The following CPE variants were observed in gnomAD, a reference collection of about 807,000 sequenced individuals.
CPE encodes the protein carboxypeptidase E.
A neutral mutation model predicts 53.5 loss-of-function variants in CPE; 17 were observed. That is an observed-to-expected ratio of 0.32 (90% CI 0.22 to 0.48). The LOEUF is 0.48. Ranked by LOEUF, CPE falls within the 20% of genes least tolerant of loss-of-function variation. The probability of loss-of-function intolerance (pLI) is 0.99; values close to 1 mark genes in which losing one functional copy is unlikely to be tolerated. For synonymous variants in CPE, 226 were observed against 228.8 expected, an observed-to-expected ratio of 0.99 and a Z score of 0.11; for missense variants, 524 against 614.7, an observed-to-expected ratio of 0.85 and a Z score of 1.56.
chr4:165,482,786 G>A (rs955861851), intron 4 of CPE, among the ~76,000 whole-genome samples: 3 of 152,200 alleles, frequency 2.0e-5, no homozygotes, highest in African/African-American at 7.2e-5. Context: ...TGTTGACACA[G>A]TTTTGCATTT....
chr4:165,433,801 C>T (rs1731452626), intron 1 of CPE, among the ~76,000 whole-genome samples: 1 of 152,116 alleles, frequency 6.6e-6, no homozygotes, highest in Admixed American at 6.6e-5. Flanking sequence ...CCTGTCAGGC[C>T]CCTGCCTAAT....
At chr4:165,426,698 G>A (rs545713748) in intron 1 of CPE, among the ~76,000 whole-genome samples, 1 of 152,240 alleles carries the variant, frequency 6.6e-6, no homozygotes, top group African/African-American at 2.4e-5. Flanking sequence ...CACACTCACC[G>A]GTTTGAGAAA....
intron 1 of CPE, chr4:165,405,118 T>C (rs1016891051): frequency 2.7e-6 from 2 of 751,150 alleles, no homozygotes; most frequent in Non-Finnish European, 4.9e-6. Context: ...ACGTTAGAGC[T>C]TTCTTCTTTA....
chr4:165,467,881 G>T, intron 3 of CPE, 26 bp downstream of exon 3: 8 of 1,610,546 alleles, frequency 5.0e-6, no homozygotes, highest in Non-Finnish European at 5.9e-6. Context: ...TAGTCTTCTT[G>T]GGTTCGTCTC....
intron 1 of CPE, among the ~76,000 whole-genome samples, chr4:165,397,639 AT>A (rs1332277555): frequency 6.6e-6 from 1 of 152,174 alleles, no homozygotes; most frequent in Non-Finnish European, 1.5e-5. Flanking sequence ...TATACAACGT[AT>A]TTCCAAATAT....
chr4:165,490,344 G>T (rs1171153034), intron 6 of CPE, among the ~76,000 whole-genome samples: 1 of 152,104 alleles, frequency 6.6e-6, no homozygotes, highest in Admixed American at 6.5e-5. Flanking sequence ...CTTAAAGAAT[G>T]GTTCATGGGC....
intron 6 of CPE, among the ~76,000 whole-genome samples, chr4:165,488,468 C>A (rs946770374): frequency 6.6e-6 from 1 of 152,194 alleles, no homozygotes; most frequent in Non-Finnish European, 1.5e-5. Context: ...CCACCCCCTG[C>A]ATAGTATGTA....
chr4:165,434,223 G>T (rs538342900), intron 1 of CPE, among the ~76,000 whole-genome samples: 24 of 152,186 alleles, frequency 1.6e-4, no homozygotes, highest in African/African-American at 5.8e-4. Flanking sequence ...CAGGGAACAT[G>T]TGGGAGTTTT....
At chr4:165,451,646 C>T (rs1483886631) in intron 1 of CPE, among the ~76,000 whole-genome samples, 1 of 151,976 alleles carries the variant, frequency 6.6e-6, no homozygotes, top group Non-Finnish European at 1.5e-5. Flanking sequence ...CACATGCCAC[C>T]ACGGCTGGCT....
intron 6 of CPE, among the ~76,000 whole-genome samples, chr4:165,489,224 G>T (rs1168791787): frequency 1.3e-5 from 2 of 152,086 alleles, no homozygotes; most frequent in Non-Finnish European, 2.9e-5. Context: ...ACTGATTGGG[G>T]TGTTCTCCAC....
intron 1 of CPE, among the ~76,000 whole-genome samples, chr4:165,432,436 C>T (rs942159714): frequency 3.3e-5 from 5 of 152,116 alleles, no homozygotes; most frequent in Admixed American, 2.0e-4. Flanking sequence ...GCTGGGACTA[C>T]AGGTGTGTGC....
intron 1 of CPE, among the ~76,000 whole-genome samples, chr4:165,387,593 G>A (rs1730614192): frequency 6.6e-6 from 1 of 151,974 alleles, no homozygotes; most frequent in South Asian, 2.1e-4. Context: ...GGTGGATCAC[G>A]AGGTCGGGAG....
intron 1 of CPE, among the ~76,000 whole-genome samples, chr4:165,391,306 G>A (rs1056960879): frequency 6.6e-6 from 1 of 152,004 alleles, no homozygotes; most frequent in Non-Finnish European, 1.5e-5. Context: ...AAATTCATTG[G>A]ACAAAGCTAA....
chr4:165,490,995 C>T (rs1224208602), intron 6 of CPE, among the ~76,000 whole-genome samples: 1 of 152,162 alleles, frequency 6.6e-6, no homozygotes, highest in African/African-American at 2.4e-5. Context: ...GCCATACAAT[C>T]TGAATTTTCC....
intron 4 of CPE, among the ~76,000 whole-genome samples, chr4:165,483,225 C>T (rs1392781182): frequency 6.6e-6 from 1 of 152,102 alleles, no homozygotes; most frequent in East Asian, 1.9e-4. Context: ...TTAGCTTCCA[C>T]TTATAAATGA....
intron 1 of CPE, among the ~76,000 whole-genome samples, chr4:165,457,153 C>A (rs371747092): frequency 3.3e-5 from 5 of 152,196 alleles, no homozygotes; most frequent in African/African-American, 1.2e-4. Context: ...CAAATAATTG[C>A]TTTCCACATG....
intron 1 of CPE, among the ~76,000 whole-genome samples, chr4:165,462,338 TAAA>T (rs1732022411): frequency 6.6e-6 from 1 of 152,130 alleles, no homozygotes; most frequent in Non-Finnish European, 1.5e-5. Context: ...TTTAATTGAT[TAAA>T]AAAAGATTTA....
chr4:165,451,082 A>C (rs1321278196), intron 1 of CPE, among the ~76,000 whole-genome samples: 1 of 152,198 alleles, frequency 6.6e-6, no homozygotes, highest in Non-Finnish European at 1.5e-5. Context: ...ACAGGCTCTC[A>C]GGCCCCACTC....
intron 3 of CPE, among the ~76,000 whole-genome samples, chr4:165,479,969 G>C (rs1229095463): frequency 6.8e-6 from 1 of 146,876 alleles, no homozygotes; most frequent in African/African-American, 2.5e-5. Flanking sequence ...TCTAGCCTGG[G>C]TGACAGAGTG....
Sources: allele counts gnomAD v4.1 joint callset (sites outside exome capture counted in the v4.1 genomes callset), GRCh38; gene constraint gnomAD v4.1.1; transcripts MANE v1.5; gene names NCBI Gene and HGNC (gene_info 2026-07-23, HGNC 2026-07-21).